Variants in RHOT1 observed in about 807,000 individuals in gnomAD.
RHOT1 encodes mitochondrial Rho GTPase 1.
Under a neutral mutation model 95.3 loss-of-function variants are expected in RHOT1, and 27 were observed. The observed-to-expected ratio is 0.28, with a 90% CI of 0.21 to 0.39. The LOEUF is 0.39. Ranked by LOEUF, RHOT1 falls within the 10% of genes least tolerant of loss-of-function variation. The pLI, the probability that RHOT1 is intolerant of heterozygous loss-of-function variation, is 1.00. For missense variants in RHOT1, 578 were observed against 786.7 expected, an observed-to-expected ratio of 0.73 and a Z score of 3.17; for synonymous variants, 227 against 263.5, an observed-to-expected ratio of 0.86 and a Z score of 1.34.
At chr17:32,166,945 A>C (rs2034137878) in intron 1 of RHOT1, among the ~76,000 whole-genome samples, 1 of 152,178 alleles carries the variant, frequency 6.6e-6, no homozygotes, top group Admixed American at 6.6e-5. Context: ...AATTATTTCC[A>C]GAAGGTTTTT....
At chr17:32,195,658 T>C (rs959826304) in intron 11 of RHOT1, among the ~76,000 whole-genome samples, 11 of 152,212 alleles carry the variant, frequency 7.2e-5, no homozygotes, top group African/African-American at 2.7e-4. Context: ...CAGCTGTCTA[T>C]GTAATGGTTC....
intron 18 of RHOT1, among the ~76,000 whole-genome samples, chr17:32,210,304 T>C (rs944567063): frequency 9.9e-5 from 15 of 152,186 alleles, no homozygotes; most frequent in Admixed American, 7.9e-4. Flanking sequence ...CCCCCTACTT[T>C]GGTAGTTAGA....
At chr17:32,169,126 A>G (rs2034360473) in intron 1 of RHOT1, among the ~76,000 whole-genome samples, 1 of 151,872 alleles carries the variant, frequency 6.6e-6, no homozygotes, top group African/African-American at 2.4e-5. Flanking sequence ...AGCTGTTTTC[A>G]CTCTCCTTCC....
At chr17:32,176,549 T>C (rs1219623442) in intron 6 of RHOT1, among the ~76,000 whole-genome samples, 3 of 120,156 alleles carry the variant, frequency 2.5e-5, no homozygotes, top group African/African-American at 1.2e-4. Flanking sequence ...CAGTTTTATT[T>C]ATTTATTTAT....
chr17:32,154,285 T>TAAAAA (rs539073195), intron 1 of RHOT1, among the ~76,000 whole-genome samples: 18 of 124,826 alleles, frequency 1.4e-4, no homozygotes, highest in African/African-American at 5.6e-4. Context: ...TACGAGAAAT[T>TAAAAA]AAAAAAAAAA....
At chr17:32,142,880 G>A in intron 1 of RHOT1, 151 bp downstream of exon 1, 1 of 779,284 alleles carries the variant, frequency 1.3e-6, no homozygotes, top group East Asian at 2.7e-5. Context: ...GCGTTCCTAG[G>A]CCTTCCAGCC....
intron 1 of RHOT1, among the ~76,000 whole-genome samples, chr17:32,153,426 A>G (rs775919834): frequency 9.2e-5 from 14 of 152,222 alleles, no homozygotes; most frequent in African/African-American, 1.7e-4. Context: ...TGGGAGGCCA[A>G]TGCAGGAGGA....
At chr17:32,155,204 G>A (rs1299426760) in intron 1 of RHOT1, among the ~76,000 whole-genome samples, 2 of 152,072 alleles carry the variant, frequency 1.3e-5, no homozygotes, top group African/African-American at 2.4e-5. Flanking sequence ...CGCCCAGGCT[G>A]GATGGAGTGC....
At chr17:32,173,667 C>G (rs775999197) in intron 2 of RHOT1, among the ~76,000 whole-genome samples, 164 bp from the exon 3 acceptor site, 3 of 150,306 alleles carry the variant, frequency 2.0e-5, no homozygotes, top group African/African-American at 7.4e-5. Context: ...GAGCAGAGAT[C>G]GCACCACTGC....
chr17:32,222,719 C>A, intron 19 of RHOT1: 1 of 252,944 alleles, frequency 4.0e-6, no homozygotes, highest in Non-Finnish European at 6.2e-6. Flanking sequence ...TTTTTGTGAG[C>A]TCTGCTGTGA....
Position 32,196,302 on chromosome 17 carries a change from C to T in RHOT1, c.869+2195C>T, listed in dbSNP as rs115214032. Among the ~76,000 whole-genome samples, 1,518 of 152,074 alleles carry T rather than the reference C, an allele frequency of 1.0e-2. 31 individuals carry two copies. Among genetic ancestry groups the T allele is most frequent in the African/African-American group, 0.035 (1,434 of 41,454 alleles). On this transcript the variant is annotated intron_variant, in intron 11 of 19. Transcript: ENST00000545287. ...GCCTCCTGGGCCCAAGCAATCATCC[C>T]ACTTCAGCCTGCCAAGTAGCTGGGA...
intron 1 of RHOT1, chr17:32,150,865 A>G: frequency 1.3e-6 from 2 of 1,531,868 alleles, no homozygotes; most frequent in Non-Finnish European, 1.8e-6. Flanking sequence ...ATCTGAAACC[A>G]CGGGAGAAAA....
intron 19 of RHOT1, among the ~76,000 whole-genome samples, chr17:32,214,938 A>C (rs2038372460): frequency 9.6e-6 from 1 of 103,686 alleles, no homozygotes; most frequent in African/African-American, 4.1e-5. Context: ...ATGGAGTCTC[A>C]CCCTGCCACC....
At chr17:32,194,376 G>A (rs9915624) in intron 11 of RHOT1, among the ~76,000 whole-genome samples, 5,205 of 152,276 alleles carry the variant, frequency 0.034, 299 homozygotes, top group African/African-American at 0.12. Context: ...AATTATAGCA[G>A]AGCTTTATAG....
chr17:32,187,461 T>C (rs1156602138), intron 8 of RHOT1, among the ~76,000 whole-genome samples: 1 of 152,140 alleles, frequency 6.6e-6, no homozygotes, highest in Non-Finnish European at 1.5e-5. Context: ...AGGTATTGTT[T>C]TTAAGAATAA....
intron 8 of RHOT1, among the ~76,000 whole-genome samples, chr17:32,190,568 G>A (rs2142748057): frequency 6.6e-6 from 1 of 152,220 alleles, no homozygotes. Context: ...ATTAGGTTCT[G>A]TTTTGTATAT....
chr17:32,204,760 G>A (rs2037584285), intron 16 of RHOT1, among the ~76,000 whole-genome samples: 2 of 151,976 alleles, frequency 1.3e-5, no homozygotes. Context: ...GGCTGAGTCA[G>A]GTGGATCACC....
intron 1 of RHOT1, among the ~76,000 whole-genome samples, chr17:32,170,180 C>T (rs939708683): frequency 3.3e-5 from 5 of 152,174 alleles, no homozygotes; most frequent in Non-Finnish European, 7.4e-5. Context: ...TTTGGGAGGC[C>T]GAGGCAGGTA....
chr17:32,155,524 G>A (rs1218258406), intron 1 of RHOT1, among the ~76,000 whole-genome samples: 2 of 129,438 alleles, frequency 1.5e-5, no homozygotes, highest in Non-Finnish European at 3.3e-5. Context: ...AGTTTTGGTT[G>A]CCAGGGAGGA....
Sources: gnomAD v4.1 joint callset for allele counts (sites outside exome capture counted in the v4.1 genomes callset) on GRCh38, gnomAD v4.1.1 for gene constraint, MANE v1.5 for transcripts, NCBI Gene and HGNC (gene_info 2026-07-23, HGNC 2026-07-21) for gene names.